The following RAB19 variants were observed in gnomAD, a reference collection of about 807,000 sequenced individuals.
The protein encoded by RAB19 is ras-related protein Rab-19.
Under a neutral mutation model 17.3 loss-of-function variants are expected in RAB19, and 21 were observed. The observed-to-expected ratio is 1.21, with a 90% confidence interval of 0.86 to 1.74. The LOEUF (loss-of-function observed/expected upper bound fraction) is 1.74. Among genes scored for constraint, RAB19 ranks in the 40% most tolerant of loss-of-function variants. The probability of loss-of-function intolerance (pLI) is 0.00; values close to 1 mark genes in which losing one functional copy is unlikely to be tolerated. For synonymous variants in RAB19, 126 were observed against 110.4 expected, an observed-to-expected ratio of 1.14 and a Z score of -0.88; for missense variants, 277 against 286.8, an observed-to-expected ratio of 0.97 and a Z score of 0.25.
rs768762322 is a variant in RAB19 at position 140,425,879 on chromosome 7, C to G, written c.386-3C>G. 7 of 1,599,122 alleles carry G rather than the reference C, an allele frequency of 4.4e-6. No homozygotes were observed. The South Asian group carries it at 7.8e-5, about 18-fold the overall frequency. Reference sequence around the variant, plus strand: ...GGAATATCGGCTTATCTTTTCCTTCCAGGAAATAAATGTGACCTCTGGGAA... The same window carrying G: ...GGAATATCGGCTTATCTTTTCCTTCGAGGAAATAAATGTGACCTCTGGGAA... On this transcript the variant is annotated splice_region_variant and splice_polypyrimidine_tract_variant and intron_variant, in intron 3 of 3. Coordinates refer to ENST00000537763, the MANE Select transcript of RAB19 (RefSeq NM_001008749.3).
chr7:140,427,744 A>C lies in RAB19; in HGVS notation c.*1594A>C, dbSNP rs1799695535. On this transcript the variant is annotated 3_prime_UTR_variant, in exon 4 of 4. Coordinates refer to ENST00000537763, the MANE Select transcript of RAB19 (RefSeq NM_001008749.3). ...TGGGATTACAGGTGTGAACCACCGC[A>C]CCTGGCCTTTTTTTATTATTATTAT... 6.6e-6 allele frequency among the ~76,000 whole-genome samples: 1 copy of C among 150,736 alleles called. No individual in the cohort carries two copies. The highest frequency in any genetic ancestry group is 1.5e-5 in the Non-Finnish European group (1 of 67,750).
At chr7:140,422,981 G>T (rs1231538709) in intron 3 of RAB19, among the ~76,000 whole-genome samples, 1 of 151,696 alleles carries the variant, frequency 6.6e-6, no homozygotes, top group African/African-American at 2.4e-5. Flanking sequence ...GGTGGTGTAT[G>T]CCTGTAATCC....
chr7:140,416,186 G>T (rs1428765038), intron 3 of RAB19, among the ~76,000 whole-genome samples: 2 of 151,786 alleles, frequency 1.3e-5, no homozygotes, highest in Non-Finnish European at 2.9e-5. Context: ...CTACTAGCTG[G>T]GCTTTGTGGT....
chr7:140,412,159 G>A, intron 3 of RAB19, 102 bp downstream of exon 3: 4 of 1,251,926 alleles, frequency 3.2e-6, no homozygotes, highest in Non-Finnish European at 4.5e-6. Flanking sequence ...TCTTAAAAGT[G>A]TAAGTGATGC....
intron 2 of RAB19, among the ~76,000 whole-genome samples, chr7:140,410,800 T>G (rs1799345389): frequency 6.6e-6 from 1 of 152,114 alleles, no homozygotes; most frequent in South Asian, 2.1e-4. Flanking sequence ...GTTTGCAAAC[T>G]TTCTCTAAAA....
intron 3 of RAB19, among the ~76,000 whole-genome samples, chr7:140,418,535 C>T (rs1031832437): frequency 6.6e-6 from 1 of 150,934 alleles, no homozygotes; most frequent in Admixed American, 6.6e-5. Flanking sequence ...GAGATTGCGC[C>T]ACTGCACTCC....
intron 2 of RAB19, chr7:140,410,901 G>T: frequency 7.3e-7 from 1 of 1,363,566 alleles, no homozygotes; most frequent in Non-Finnish European, 9.8e-7. Context: ...TGCCGCTTGG[G>T]TGGCTAATTT....
At chr7:140,410,050 CAAAGA>C (rs748113532) in intron 2 of RAB19, among the ~76,000 whole-genome samples, 54 of 148,748 alleles carry the variant, frequency 3.6e-4, no homozygotes, top group Non-Finnish European at 7.2e-4. Flanking sequence ...AAAAATACTT[CAAAGA>C]AATCAACAGA....
chr7:140,420,001 A>G (rs570111265), intron 3 of RAB19, among the ~76,000 whole-genome samples: 1 of 152,148 alleles, frequency 6.6e-6, no homozygotes, highest in Non-Finnish European at 1.5e-5. Flanking sequence ...GTCAATTCCT[A>G]ACAGTAGCTT....
At chr7:140,405,788 CAAA>C (rs35424074) in intron 1 of RAB19, among the ~76,000 whole-genome samples, 6,394 of 108,782 alleles carry the variant, frequency 0.059, 369 homozygotes, top group African/African-American at 0.2. Flanking sequence ...GACTCTGTCT[CAAA>C]AAAAAAAAAA....
intron 3 of RAB19, among the ~76,000 whole-genome samples, chr7:140,412,860 T>C (rs974854284): frequency 4.0e-5 from 6 of 151,770 alleles, no homozygotes; most frequent in African/African-American, 1.5e-4. Flanking sequence ...GCGTGGTGGT[T>C]CATGCCTGTA....
At chr7:140,407,878 ACC>A in intron 2 of RAB19, 31 bp downstream of exon 2, 26 of 835,426 alleles carry the variant, frequency 3.1e-5, no homozygotes, top group Non-Finnish European at 3.6e-5. Context: ...GACTGGTTCC[ACC>A]TTTTTTTTTT....
intron 3 of RAB19, among the ~76,000 whole-genome samples, chr7:140,424,802 G>T (rs1799634945): frequency 6.6e-6 from 1 of 151,678 alleles, no homozygotes; most frequent in Non-Finnish European, 1.5e-5. Flanking sequence ...ATCTACAGAG[G>T]CTCTTGTGGG....
intron 3 of RAB19, among the ~76,000 whole-genome samples, chr7:140,414,114 G>A (rs982807786): frequency 1.3e-5 from 2 of 152,024 alleles, no homozygotes; most frequent in Non-Finnish European, 2.9e-5. Context: ...GCATGACCTC[G>A]ACTCACTGCA....
Position 140,426,087 on chromosome 7 carries a change from C to T in RAB19, c.591C>T (p.Pro197=), listed in dbSNP as rs529487725. 9 of 1,614,068 alleles carry T rather than the reference C, an allele frequency of 5.6e-6. No individual in the cohort carries two copies. Among genetic ancestry groups the T allele is most frequent in the Non-Finnish European group, 7.6e-6 (9 of 1,180,054 alleles). ...LYGESALNGL[P]LDSSPVLMAQ... ...GGGAGAGTGCCCTGAACGGCCTCCC[C>T]CTGGACTCCAGCCCCGTTCTTATGG... Residue 197 remains proline, a synonymous_variant, in exon 4 of 4, where the codon CCC becomes CCT. Coordinates refer to ENST00000537763, the MANE Select transcript of RAB19 (RefSeq NM_001008749.3).
At chr7:140,415,091 T>C (rs11760537) in intron 3 of RAB19, among the ~76,000 whole-genome samples, 5,724 of 151,884 alleles carry the variant, frequency 0.038, 125 homozygotes, top group Non-Finnish European at 0.044. Flanking sequence ...CTTTTTTTTT[T>C]TGAGACAGGG....
intron 3 of RAB19, among the ~76,000 whole-genome samples, chr7:140,424,663 G>GTATATATATA (rs36042630): frequency 9.4e-4 from 111 of 117,728 alleles, no homozygotes; most frequent in Non-Finnish European, 1.2e-3. Flanking sequence ...ATATGTGTGT[G>GTATATATATA]TATATATATA....
chr7:140,426,210 AGGATACC>A lies in RAB19; in HGVS notation c.*62_*68del, dbSNP rs1799669835. 1.9e-6 allele frequency: 3 copies of A among 1,567,798 alleles called. No individual in the cohort carries two copies. Among genetic ancestry groups the A allele is most frequent in the Non-Finnish European group, 2.6e-6 (3 of 1,157,858 alleles). ...GCCGCCTCTGAAACCAAAGGTAGCC[AGGATACC>A]GTAGTGTTGCCCCAGTGGCGCTTTA... On this transcript the variant is annotated 3_prime_UTR_variant, in exon 4 of 4. Coordinates refer to ENST00000537763, the MANE Select transcript of RAB19 (RefSeq NM_001008749.3).
At chr7:140,409,986 C>T (rs1401216280) in intron 2 of RAB19, among the ~76,000 whole-genome samples, 3 of 104,978 alleles carry the variant, frequency 2.9e-5, no homozygotes, top group Non-Finnish European at 5.6e-5. Context: ...GAGCGAGACT[C>T]CGTCTCAAAA....
Sources: gnomAD v4.1 joint callset for allele counts (sites outside exome capture counted in the v4.1 genomes callset) on GRCh38, gnomAD v4.1.1 for gene constraint, MANE v1.5 for transcripts, NCBI Gene and HGNC (gene_info 2026-07-23, HGNC 2026-07-21) for gene names.